PLGRKT: variants seen among roughly 807,000 people sequenced by gnomAD.
The protein encoded by PLGRKT is plasminogen receptor with a C-terminal lysine.
A neutral mutation model predicts 18.5 loss-of-function variants in PLGRKT; 22 were observed. That is an observed-to-expected ratio of 1.19 (90% CI 0.85 to 1.70). The LOEUF (loss-of-function observed/expected upper bound fraction) is 1.70, where lower values mean the gene tolerates loss of function less well. PLGRKT is among the 40% of genes most tolerant of loss of function. PLGRKT has a pLI of 0.00. For synonymous variants in PLGRKT, 72 were observed against 52.8 expected (o/e 1.36, Z -1.58); for missense variants, 235 against 174.4 (o/e 1.35, Z -1.96).
At chr9:5,361,531 TCTAA>T (rs757524832) in intron 4 of PLGRKT, among the ~76,000 whole-genome samples, 23 of 152,148 alleles carry the variant, frequency 1.5e-4, no homozygotes, top group Non-Finnish European at 2.8e-4. Flanking sequence ...GCTCTCTCTC[TCTAA>T]CTAATAAAGT....
At position 5,431,950 on chromosome 9, in the gene PLGRKT, T is replaced by C; in HGVS notation, c.28A>G (p.Asn10Asp). 1 of 1,545,584 alleles carries C rather than the reference T, an allele frequency of 6.5e-7. No individual in the cohort carries two copies. The highest frequency in any genetic ancestry group is 8.9e-7 in the Non-Finnish European group (1 of 1,118,928). MGFIFSKSM[N>D]ESMKNQKEFM... ...TCCTTTTGATTTTTCATGCTTTCAT[T>C]CATAGATTTTGAAAATATAAACCCC... Residue 10 changes from asparagine to aspartate, a missense_variant, in exon 3 of 6, where the codon AAT becomes GAT. Asn to Asp is a conservative substitution (Grantham distance 23, BLOSUM62 1). Coordinates refer to ENST00000223864, the MANE Select transcript of PLGRKT (RefSeq NM_018465.4).
At chr9:5,437,677 G>C (rs981706105) in intron 1 of PLGRKT, 112 bp downstream of exon 1, 6 of 152,336 alleles carry the variant, frequency 3.9e-5, no homozygotes, top group African/African-American at 1.4e-4. Context: ...CGGCGCTCAC[G>C]AGGAGCGGGC....
intron 3 of PLGRKT, among the ~76,000 whole-genome samples, chr9:5,363,343 G>A (rs1817309683): frequency 6.6e-6 from 1 of 151,764 alleles, no homozygotes; most frequent in African/African-American, 2.4e-5. Context: ...CTGATCCTCT[G>A]GGATCCAGTG....
chr9:5,408,058 G>A (rs1011397273), intron 3 of PLGRKT, among the ~76,000 whole-genome samples: 1 of 152,146 alleles, frequency 6.6e-6, no homozygotes, highest in Non-Finnish European at 1.5e-5. Context: ...TTCTCTGAGG[G>A]AATAACTGGT....
chr9:5,372,766 C>G (rs1054179732), intron 3 of PLGRKT, among the ~76,000 whole-genome samples: 12 of 152,072 alleles, frequency 7.9e-5, no homozygotes, highest in African/African-American at 2.9e-4. Context: ...AACCCAGGTG[C>G]GAGGGAGTCT....
At chr9:5,438,076 A>G (rs764412814), upstream of PLGRKT, among the ~76,000 whole-genome samples, 6 of 152,208 alleles carry the variant, frequency 3.9e-5, no homozygotes, top group Non-Finnish European at 8.8e-5. Context: ...CAGCTGCCAG[A>G]TTTTTGAGAT....
chr9:5,371,431 T>G (rs927571276), intron 3 of PLGRKT, among the ~76,000 whole-genome samples: 1 of 152,186 alleles, frequency 6.6e-6, no homozygotes, highest in African/African-American at 2.4e-5. Context: ...TCCCATGCTA[T>G]TCTCATGACA....
At chr9:5,431,733 G>C (rs1362978014) in intron 3 of PLGRKT, among the ~76,000 whole-genome samples, 164 bp downstream of exon 3, 1 of 152,046 alleles carries the variant, frequency 6.6e-6, no homozygotes, top group Non-Finnish European at 1.5e-5. Flanking sequence ...ATTTAAATTA[G>C]CCCATTCACC....
intron 2 of PLGRKT, among the ~76,000 whole-genome samples, chr9:5,432,243 T>A (rs1367080236): frequency 6.6e-6 from 1 of 152,192 alleles, no homozygotes; most frequent in Non-Finnish European, 1.5e-5. Flanking sequence ...CCCTGCTCTA[T>A]AAGTATATGG....
intron 3 of PLGRKT, among the ~76,000 whole-genome samples, chr9:5,424,893 G>C (rs893390740): frequency 6.6e-5 from 10 of 151,180 alleles, no homozygotes; most frequent in African/African-American, 9.8e-5. Flanking sequence ...TTATAGGCGT[G>C]AGCTACCCCA....
At chr9:5,428,970 G>A (rs1325584339) in intron 3 of PLGRKT, among the ~76,000 whole-genome samples, 2 of 152,156 alleles carry the variant, frequency 1.3e-5, no homozygotes, top group Non-Finnish European at 2.9e-5. Flanking sequence ...CCAGTGTGCT[G>A]GGATTACAGG....
At position 5,434,795 on chromosome 9, in the gene PLGRKT, G is replaced by A. The variant is rs1477126661; in HGVS notation, c.-7+1774C>T. On this transcript the variant is annotated intron_variant, in intron 2 of 5. Coordinates refer to ENST00000223864, the MANE Select transcript of PLGRKT (RefSeq NM_018465.4). ...GTGCCTCTGCCTGGCCGCCCCATCT[G>A]GGAAGTGTACCCAACAGCTCCGAAG... Among the ~76,000 whole-genome samples, 3 of 152,340 alleles carry A rather than the reference G, an allele frequency of 2.0e-5. No homozygotes were observed. The East Asian group carries it at 5.8e-4, about 29-fold the overall frequency.
At chr9:5,363,276 G>C (rs565954004) in intron 3 of PLGRKT, among the ~76,000 whole-genome samples, 1 of 151,946 alleles carries the variant, frequency 6.6e-6, no homozygotes, top group East Asian at 2.0e-4. Context: ...GTTCCCTAAG[G>C]GCATGTGGCC....
At chr9:5,381,053 G>C (rs1817734928) in intron 3 of PLGRKT, among the ~76,000 whole-genome samples, 1 of 152,206 alleles carries the variant, frequency 6.6e-6, no homozygotes, top group Non-Finnish European at 1.5e-5. Flanking sequence ...CTTCTGCCAT[G>C]ATTGTAAGTT....
chr9:5,378,359 C>A (rs1368295683), intron 3 of PLGRKT, among the ~76,000 whole-genome samples: 1 of 152,206 alleles, frequency 6.6e-6, no homozygotes, highest in Non-Finnish European at 1.5e-5. Context: ...CATGTTTTCT[C>A]TATCTGGCTT....
chr9:5,426,658 G>T (rs898928512), intron 3 of PLGRKT, among the ~76,000 whole-genome samples: 1 of 152,188 alleles, frequency 6.6e-6, no homozygotes, highest in Non-Finnish European at 1.5e-5. Flanking sequence ...TCCACCATGG[G>T]ACAAGTCTTC....
intron 2 of PLGRKT, among the ~76,000 whole-genome samples, chr9:5,432,672 AT>A (rs1164207366): frequency 2.0e-5 from 3 of 151,742 alleles, no homozygotes; most frequent in Admixed American, 2.0e-4. Context: ...TGGTTTTTGT[AT>A]TTTTGGTGGA....
intron 2 of PLGRKT, among the ~76,000 whole-genome samples, chr9:5,435,108 G>A (rs756268965): frequency 1.1e-4 from 17 of 151,910 alleles, no homozygotes; most frequent in Non-Finnish European, 2.1e-4. Context: ...TTAAACAGAT[G>A]CTTGAAGACA....
chr9:5,366,045 G>A (rs1196839578), intron 3 of PLGRKT, among the ~76,000 whole-genome samples: 1 of 152,056 alleles, frequency 6.6e-6, no homozygotes, highest in Non-Finnish European at 1.5e-5. Context: ...GATCTATAAT[G>A]TTAATTATCA....
Sources: allele counts gnomAD v4.1 joint callset (sites outside exome capture counted in the v4.1 genomes callset), GRCh38; gene constraint gnomAD v4.1.1; transcripts MANE v1.5; gene names NCBI Gene and HGNC (gene_info 2026-07-23, HGNC 2026-07-21).